The following FRMD4B variants were observed in gnomAD, a reference collection of about 807,000 sequenced individuals.
The protein encoded by FRMD4B is FERM domain-containing protein 4B.
FRMD4B carries 74 observed loss-of-function variants against 141.5 expected under a neutral mutation model. The ratio of observed to expected loss-of-function variants is 0.52; its 90% CI spans 0.43 to 0.63. FRMD4B has a LOEUF of 0.63. Among genes scored for constraint, FRMD4B ranks in the 30% least tolerant of loss-of-function variants. The pLI, the probability that FRMD4B is intolerant of heterozygous loss-of-function variation, is 0.00. For missense variants in FRMD4B, 1,366 were observed against 1,253.4 expected, an observed-to-expected ratio of 1.09 and a Z score of -1.36; for synonymous variants, 506 against 467.9, an observed-to-expected ratio of 1.08 and a Z score of -1.05.
intron 5 of FRMD4B, among the ~76,000 whole-genome samples, chr3:69,272,172 C>T (rs1407319949): frequency 3.3e-5 from 5 of 151,918 alleles, no homozygotes; most frequent in Admixed American, 2.6e-4. Context: ...GACAGAATTT[C>T]GCTCTGTTGC....
chr3:69,401,415 T>G (rs1297337599), intron 2 of FRMD4B, among the ~76,000 whole-genome samples: 2 of 152,232 alleles, frequency 1.3e-5, no homozygotes, highest in African/African-American at 4.8e-5. Context: ...TTTTTTATTC[T>G]TCTTCATAAT....
intron 3 of FRMD4B, among the ~76,000 whole-genome samples, chr3:69,307,906 T>G (rs1275785012): frequency 1.3e-5 from 2 of 152,198 alleles, no homozygotes; most frequent in Non-Finnish European, 2.9e-5. Context: ...CCTATGATCT[T>G]GTCCCCACGA....
At chr3:69,386,573 G>GA (rs11334759), upstream of FRMD4B, among the ~76,000 whole-genome samples, 653 of 150,486 alleles carry the variant, frequency 4.3e-3, 3 homozygotes, top group African/African-American at 0.011. Flanking sequence ...GAGAGAGAGA[G>GA]AAAAAAAAAA....
chr3:69,184,790 A>G (rs1419062719), intron 19 of FRMD4B, among the ~76,000 whole-genome samples: 1 of 152,230 alleles, frequency 6.6e-6, no homozygotes, highest in Non-Finnish European at 1.5e-5. Flanking sequence ...GTTCTGACCA[A>G]TATGATAGCC....
chr3:69,415,081 G>C (rs1704835049), intron 2 of FRMD4B, among the ~76,000 whole-genome samples: 1 of 151,304 alleles, frequency 6.6e-6, no homozygotes, highest in Non-Finnish European at 1.5e-5. Flanking sequence ...GGTCAGGCTG[G>C]TGTCTAACTC....
chr3:69,172,117 G>A, intron 22 of FRMD4B, 136 bp from the exon 23 acceptor site: 1 of 700,098 alleles, frequency 1.4e-6, no homozygotes, highest in South Asian at 1.6e-5. Context: ...TAAGGGAAAG[G>A]AGAAGGGTGA....
chr3:69,475,469 T>G (rs1471606211), intron 1 of FRMD4B, among the ~76,000 whole-genome samples: 3 of 152,052 alleles, frequency 2.0e-5, no homozygotes, highest in Non-Finnish European at 2.9e-5. Flanking sequence ...TGGTTTTTTG[T>G]TCTTACGATA....
At chr3:69,343,641 G>A (rs1028794257) in intron 1 of FRMD4B, among the ~76,000 whole-genome samples, 1 of 143,470 alleles carries the variant, frequency 7.0e-6, no homozygotes, top group South Asian at 2.2e-4. Context: ...GTGCAGTGGT[G>A]TGATCCCGGC....
At chr3:69,229,536 A>G (rs929923239) in intron 7 of FRMD4B, among the ~76,000 whole-genome samples, 1 of 152,214 alleles carries the variant, frequency 6.6e-6, no homozygotes, top group Non-Finnish European at 1.5e-5. Context: ...GGACGTGACT[A>G]TAACACTAAA....
chr3:69,364,401 C>T (rs1479065555), intron 1 of FRMD4B, among the ~76,000 whole-genome samples: 1 of 152,226 alleles, frequency 6.6e-6, no homozygotes, highest in Admixed American at 6.5e-5. Flanking sequence ...CTGGTGGGCA[C>T]CTCCAGAAGG....
intron 1 of FRMD4B, among the ~76,000 whole-genome samples, chr3:69,468,697 C>T (rs1010242730): frequency 3.9e-5 from 6 of 152,164 alleles, no homozygotes; most frequent in Non-Finnish European, 7.3e-5. Context: ...GCTATATTTG[C>T]TACTAGTCTG....
At chr3:69,391,303 G>T (rs1704378253) in intron 2 of FRMD4B, among the ~76,000 whole-genome samples, 1 of 151,340 alleles carries the variant, frequency 6.6e-6, no homozygotes, top group Admixed American at 6.6e-5. Flanking sequence ...CAATGTGCAG[G>T]TTTGTTACAT....
intron 1 of FRMD4B, among the ~76,000 whole-genome samples, chr3:69,338,789 C>T (rs907509336): frequency 1.3e-5 from 2 of 151,996 alleles, no homozygotes; most frequent in African/African-American, 2.4e-5. Flanking sequence ...ACCTATGACA[C>T]CAAATTTATC....
chr3:69,386,498 A>G (rs1021875406), upstream of FRMD4B, among the ~76,000 whole-genome samples: 2 of 152,094 alleles, frequency 1.3e-5, no homozygotes, highest in Non-Finnish European at 2.9e-5. Context: ...TGCCTCGGGG[A>G]ACACCTTACT....
At chr3:69,277,449 C>CT (rs2106969902) in intron 5 of FRMD4B, among the ~76,000 whole-genome samples, 1 of 144,986 alleles carries the variant, frequency 6.9e-6, no homozygotes, top group East Asian at 2.1e-4. Flanking sequence ...TTATGGTCAT[C>CT]TTTTTTGGCT....
intron 1 of FRMD4B, chr3:69,472,337 TG>T: frequency 4.1e-6 from 2 of 482,880 alleles, no homozygotes; most frequent in South Asian, 3.2e-5. Context: ...TGCAACTCCC[TG>T]GGATTCTTGT....
chr3:69,469,376 A>G (rs969998748), intron 1 of FRMD4B, among the ~76,000 whole-genome samples: 4 of 152,206 alleles, frequency 2.6e-5, no homozygotes, highest in African/African-American at 9.7e-5. Flanking sequence ...TTCAAAAGAA[A>G]TGTTCTTAAG....
At chr3:69,476,035 C>T (rs1489327241) in intron 1 of FRMD4B, among the ~76,000 whole-genome samples, 7 of 151,378 alleles carry the variant, frequency 4.6e-5, no homozygotes, top group African/African-American at 7.3e-5. Context: ...ATGTCCTTCA[C>T]CCACTTTTTG....
chr3:69,186,758 C>G (rs933455593), intron 19 of FRMD4B, among the ~76,000 whole-genome samples: 1 of 152,204 alleles, frequency 6.6e-6, no homozygotes, highest in African/African-American at 2.4e-5. Context: ...AGACTGGTCT[C>G]CAACTCTTGA....
Sources: gnomAD v4.1 joint callset for allele counts (sites outside exome capture counted in the v4.1 genomes callset) on GRCh38, gnomAD v4.1.1 for gene constraint, MANE v1.5 for transcripts, NCBI Gene and HGNC (gene_info 2026-07-23, HGNC 2026-07-21) for gene names.